The following CMIP variants were observed in gnomAD, a reference collection of about 807,000 sequenced individuals.
CMIP encodes C-Maf-inducing protein.
CMIP carries 13 observed loss-of-function variants against 97.3 expected under a neutral mutation model. That is an observed-to-expected ratio of 0.13 (90% CI 0.09 to 0.21). The LOEUF is 0.21. Among genes scored for constraint, CMIP ranks in the 10% least tolerant of loss-of-function variants. The probability of loss-of-function intolerance (pLI) is 1.00; values close to 1 mark genes in which losing one functional copy is unlikely to be tolerated. For synonymous variants in CMIP, 538 were observed against 436.3 expected, an observed-to-expected ratio of 1.23 and a Z score of -2.91; for missense variants, 847 against 1,024.9, an observed-to-expected ratio of 0.83 and a Z score of 2.37.
chr16:81,525,461 A>ATT (rs930197235), intron 1 of CMIP, among the ~76,000 whole-genome samples: 1 of 150,332 alleles, frequency 6.7e-6, no homozygotes, highest in Non-Finnish European at 1.5e-5. Flanking sequence ...TATTTCCTTA[A>ATT]TTTTTTTTTT....
chr16:81,513,144 C>T (rs530363684), intron 1 of CMIP, among the ~76,000 whole-genome samples: 7 of 152,366 alleles, frequency 4.6e-5, no homozygotes, highest in Non-Finnish European at 1.0e-4. Context: ...CCCTTGCCCT[C>T]TGGTAAACCT....
At chr16:81,694,125 A>G (rs1906425350) in intron 13 of CMIP, among the ~76,000 whole-genome samples, 1 of 152,170 alleles carries the variant, frequency 6.6e-6, no homozygotes, top group African/African-American at 2.4e-5. Context: ...GCCTCACAGC[A>G]TCCCTGTGAG....
At chr16:81,469,099 G>A (rs767125776) in intron 1 of CMIP, among the ~76,000 whole-genome samples, 1 of 152,262 alleles carries the variant, frequency 6.6e-6, no homozygotes, top group Non-Finnish European at 1.5e-5. Flanking sequence ...GATCAGGAGT[G>A]TGGGGCCCAG....
At chr16:81,473,712 G>A (rs866184900) in intron 1 of CMIP, among the ~76,000 whole-genome samples, 35 of 152,032 alleles carry the variant, frequency 2.3e-4, no homozygotes, top group African/African-American at 8.5e-4. Flanking sequence ...TGCCTTTGGG[G>A]GACGCGGGGA....
intron 10 of CMIP, 72 bp downstream of exon 10, chr16:81,678,700 T>C (rs895606743): frequency 3.9e-5 from 28 of 715,908 alleles, no homozygotes; most frequent in African/African-American, 3.7e-4. Context: ...TGGGTGCGGC[T>C]GTGTTTGTTG....
intron 1 of CMIP, among the ~76,000 whole-genome samples, chr16:81,510,350 A>G (rs944030422): frequency 6.6e-6 from 1 of 152,210 alleles, no homozygotes; most frequent in African/African-American, 2.4e-5. Context: ...TGTTTTTGCT[A>G]ATAATAATGA....
intron 1 of CMIP, among the ~76,000 whole-genome samples, chr16:81,456,781 G>A (rs2051278484): frequency 6.6e-6 from 1 of 152,232 alleles, no homozygotes; most frequent in African/African-American, 2.4e-5. Flanking sequence ...AAGGCCCACA[G>A]TGGCCAGGCT....
intron 1 of CMIP, among the ~76,000 whole-genome samples, chr16:81,455,518 C>G (rs1906493594): frequency 6.6e-6 from 1 of 152,258 alleles, no homozygotes; most frequent in Admixed American, 6.5e-5. Context: ...ACCCCACGGG[C>G]CTCTGGCCCT....
At position 81,447,122 on chromosome 16, in the gene CMIP, C is replaced by T. The variant is rs770520839; in HGVS notation, c.300+1581C>T. On this transcript the variant is annotated intron_variant, in intron 1 of 20. Coordinates refer to ENST00000537098, the MANE Select transcript of CMIP (RefSeq NM_198390.3). The stretch of plus-strand genomic sequence containing the variant: ...GAGAGCCTCCGAAAATTTGCCAGTA[C>T]GGAGTGTTTCTGATGTGGGGAGGAA... Among the ~76,000 whole-genome samples, 4 of 152,210 alleles carry T rather than the reference C, an allele frequency of 2.6e-5. No homozygotes were observed. The East Asian group carries it at 7.7e-4, about 29-fold the overall frequency.
chr16:81,551,192 C>T (rs1476269965), intron 1 of CMIP, among the ~76,000 whole-genome samples: 1 of 151,012 alleles, frequency 6.6e-6, no homozygotes. Flanking sequence ...ATCACACGTA[C>T]CCCAGTTCCA....
At chr16:81,585,454 C>T (rs559410278) in intron 1 of CMIP, among the ~76,000 whole-genome samples, 3 of 152,280 alleles carry the variant, frequency 2.0e-5, no homozygotes, top group Admixed American at 1.3e-4. Context: ...AAAGGAAACC[C>T]GTGCCCATCA....
At chr16:81,634,806 A>C (rs570667014) in intron 3 of CMIP, among the ~76,000 whole-genome samples, 4 of 152,302 alleles carry the variant, frequency 2.6e-5, no homozygotes, top group African/African-American at 9.6e-5. Context: ...GCAGCTGGGA[A>C]GGATGGAGGC....
intron 3 of CMIP, among the ~76,000 whole-genome samples, chr16:81,641,128 G>T (rs1386224931): frequency 6.6e-6 from 1 of 152,180 alleles, no homozygotes; most frequent in African/African-American, 2.4e-5. Context: ...GCTCTGCTGA[G>T]CTGGAATCTG....
intron 1 of CMIP, chr16:81,463,877 A>C (rs1309116409): frequency 6.6e-6 from 1 of 152,044 alleles, no homozygotes; most frequent in East Asian, 1.9e-4. Context: ...TTATGTGCCC[A>C]CTCTTGTATG....
At chr16:81,522,229 G>C (rs572548844) in intron 1 of CMIP, among the ~76,000 whole-genome samples, 3 of 152,300 alleles carry the variant, frequency 2.0e-5, no homozygotes, top group African/African-American at 7.2e-5. Context: ...GATGTCACTG[G>C]GTTTCCTGGA....
At chr16:81,680,421 G>T (rs1235459862) in intron 10 of CMIP, among the ~76,000 whole-genome samples, 1 of 152,204 alleles carries the variant, frequency 6.6e-6, no homozygotes, top group Non-Finnish European at 1.5e-5. Flanking sequence ...GTGAACATGC[G>T]CACACACGTT....
intron 1 of CMIP, among the ~76,000 whole-genome samples, chr16:81,534,461 A>G (rs1020722838): frequency 2.0e-5 from 3 of 152,164 alleles, no homozygotes; most frequent in Admixed American, 1.3e-4. Flanking sequence ...TGTAGCAGTT[A>G]TTACTCTCCA....
At chr16:81,468,586 T>G (rs1057489411) in intron 1 of CMIP, among the ~76,000 whole-genome samples, 16 of 152,238 alleles carry the variant, frequency 1.1e-4, no homozygotes, top group African/African-American at 3.9e-4. Flanking sequence ...CATGCCCTTA[T>G]GGGGCACCTC....
At chr16:81,651,411 A>C in intron 3 of CMIP, 1 of 981,424 alleles carries the variant, frequency 1.0e-6, no homozygotes, top group Non-Finnish European at 1.2e-6. Flanking sequence ...TGGCTTCGAC[A>C]CAGCGCCCAA....
Sources: allele counts gnomAD v4.1 joint callset (sites outside exome capture counted in the v4.1 genomes callset), GRCh38; gene constraint gnomAD v4.1.1; transcripts MANE v1.5; gene names NCBI Gene and HGNC (gene_info 2026-07-23, HGNC 2026-07-21).